Variants in CXCL17 observed in about 807,000 individuals in gnomAD.
The protein encoded by CXCL17 is C-X-C motif chemokine 17.
CXCL17 carries 9 observed loss-of-function variants against 15.5 expected under a neutral mutation model. The observed-to-expected ratio is 0.58, with a 90% CI of 0.35 to 1.01. CXCL17 has a LOEUF of 1.01. Ranked by LOEUF, CXCL17 falls within the 50% of genes least tolerant of loss-of-function variation. The pLI is 0.02. For synonymous variants in CXCL17, 52 were observed against 52.3 expected (o/e 0.99, Z 0.02); for missense variants, 133 against 138.2 (o/e 0.96, Z 0.19).
chr19:42,433,633 A>T, intron 2 of CXCL17, 143 bp downstream of exon 2: 1 of 686,846 alleles, frequency 1.5e-6, no homozygotes, highest in Non-Finnish European at 2.6e-6. Flanking sequence ...GAAAGTGGGC[A>T]CAGGTGCTGC....
intron 3 of CXCL17, among the ~76,000 whole-genome samples, chr19:42,432,391 T>G (rs1310813469): frequency 2.6e-5 from 4 of 152,094 alleles, no homozygotes; most frequent in Non-Finnish European, 5.9e-5. Context: ...GCAATCCGCC[T>G]GCCTCGGCCT....
rs1332212829 is a variant in CXCL17, at chr19:42,428,554, A to C, written c.*330T>G. 4.9e-6 allele frequency: 1 copy of C among 204,974 alleles called. No individual in the cohort carries two copies. The highest frequency in any genetic ancestry group is 9.9e-6 in the Non-Finnish European group (1 of 100,994). 12.7% of individuals were successfully genotyped at this position (204,974 alleles called of 1,614,324 possible). A position where few individuals can be genotyped will look rare whatever the true frequency, so the allele number is the denominator to read the frequency against. On this transcript the variant is annotated 3_prime_UTR_variant, in exon 4 of 4. Coordinates refer to ENST00000601181, the MANE Select transcript of CXCL17 (RefSeq NM_198477.3). ...ACAATTTTGATCTGTGACATTTAAA[A>C]ATATTTATTGACTTCTGTTTGCTAC...
chr19:42,430,824 T>A (rs1363550718), intron 3 of CXCL17, among the ~76,000 whole-genome samples: 1 of 152,136 alleles, frequency 6.6e-6, no homozygotes, highest in Non-Finnish European at 1.5e-5. Flanking sequence ...TGAATGTTTA[T>A]GTCTCTCCCC....
At chr19:42,438,354 CAAAAAAAAAAAAAAAAA>C (rs34157586) in intron 1 of CXCL17, among the ~76,000 whole-genome samples, 1 of 17,456 alleles carries the variant, frequency 5.7e-5, no homozygotes, top group Non-Finnish European at 8.0e-5. Context: ...GACTCTGTCT[CAAAAAAAAAAAAAAAAA>C]AAAAAAAAAA....
chr19:42,440,950 G>A (rs929249637), intron 1 of CXCL17, among the ~76,000 whole-genome samples: 10 of 152,200 alleles, frequency 6.6e-5, no homozygotes, highest in African/African-American at 2.2e-4. Context: ...GCATGTAGGG[G>A]AGAGAGGCCA....
At chr19:42,430,767 T>G (rs1264555060) in intron 3 of CXCL17, among the ~76,000 whole-genome samples, 1 of 151,934 alleles carries the variant, frequency 6.6e-6, no homozygotes, top group Admixed American at 6.5e-5. Flanking sequence ...CCTAAATAAT[T>G]TAGTTTATTT....
At chr19:42,440,543 C>A (rs1476966226) in intron 1 of CXCL17, among the ~76,000 whole-genome samples, 1 of 152,202 alleles carries the variant, frequency 6.6e-6, no homozygotes, top group Non-Finnish European at 1.5e-5. Flanking sequence ...TTCCCCAGTT[C>A]CTCACCCTCG....
At chr19:42,439,108 G>T (rs546989866) in intron 1 of CXCL17, among the ~76,000 whole-genome samples, 3 of 152,132 alleles carry the variant, frequency 2.0e-5, no homozygotes, top group East Asian at 3.9e-4. Context: ...ACAAAAATTA[G>T]CTGGGTGTGG....
chr19:42,436,287 C>T lies in CXCL17; in HGVS notation c.80-2431G>A, dbSNP rs2040833714. On this transcript the variant is annotated intron_variant, in intron 1 of 3. Coordinates refer to ENST00000601181, the MANE Select transcript of CXCL17 (RefSeq NM_198477.3). ...GGGGGTTGCGTCATTTCCCCAAGGGCTGCTTTTCCAATGTTCTCATGTGCT... is the reference window on the plus strand; with the variant it reads ...GGGGGTTGCGTCATTTCCCCAAGGGTTGCTTTTCCAATGTTCTCATGTGCT... Among the ~76,000 whole-genome samples, 3 of 152,208 alleles carry T rather than the reference C, an allele frequency of 2.0e-5. No individual in the cohort carries two copies. In the South Asian group the frequency reaches 6.2e-4, roughly 32 times the overall value.
At chr19:42,430,518 C>G (rs1418993115) in intron 3 of CXCL17, among the ~76,000 whole-genome samples, 1 of 149,780 alleles carries the variant, frequency 6.7e-6, no homozygotes, top group Non-Finnish European at 1.5e-5. Flanking sequence ...TGCTTCAACC[C>G]GGGAGGCGGA....
intron 3 of CXCL17, among the ~76,000 whole-genome samples, chr19:42,431,013 T>C (rs960905091): frequency 6.6e-6 from 1 of 152,174 alleles, no homozygotes; most frequent in African/African-American, 2.4e-5. Context: ...AATTTTTTTG[T>C]ATTTTAAGTA....
At chr19:42,438,372 AAAAAAAAAAATAT>A (rs1767995259) in intron 1 of CXCL17, among the ~76,000 whole-genome samples, 1 of 109,580 alleles carries the variant, frequency 9.1e-6, no homozygotes, top group Non-Finnish European at 1.7e-5. Flanking sequence ...AAAAAAAAAA[AAAAAAAAAAATAT>A]ATATATATAT....
intron 1 of CXCL17, among the ~76,000 whole-genome samples, chr19:42,436,483 GTT>G (rs539933175): frequency 0.076 from 11,014 of 145,150 alleles, 1,286 homozygotes; most frequent in African/African-American, 0.26. Flanking sequence ...TAATTCTGAA[GTT>G]TTTTTTTTTT....
At chr19:42,439,781 G>A (rs963355376) in intron 1 of CXCL17, among the ~76,000 whole-genome samples, 4 of 152,216 alleles carry the variant, frequency 2.6e-5, no homozygotes, top group Non-Finnish European at 5.9e-5. Context: ...CTCTTCAAAA[G>A]TGTCAAGGTC....
intron 3 of CXCL17, among the ~76,000 whole-genome samples, chr19:42,432,215 ACT>A (rs1215275164): frequency 7.1e-6 from 1 of 140,834 alleles, no homozygotes; most frequent in African/African-American, 2.8e-5. Flanking sequence ...CATGATCTCA[ACT>A]CTCTGCAACC....
chr19:42,435,580 C>A lies in CXCL17; in HGVS notation c.80-1724G>T, dbSNP rs141603240. On this transcript the variant is annotated intron_variant, in intron 1 of 3. Coordinates refer to ENST00000601181, the MANE Select transcript of CXCL17 (RefSeq NM_198477.3). ...GGGCGCGGTGGCTCATGCCTATAAT[C>A]TCAGCAATTTGGGAGGCCGAGGTGG... 1.0e-3 allele frequency among the ~76,000 whole-genome samples: 157 copies of A among 152,240 alleles called. 1 individual carries two copies. Among genetic ancestry groups the A allele is most frequent in the African/African-American group, 3.6e-3 (148 of 41,552 alleles).
chr19:42,439,496 A>G (rs1426597862), intron 1 of CXCL17, among the ~76,000 whole-genome samples: 1 of 152,096 alleles, frequency 6.6e-6, no homozygotes, highest in Non-Finnish European at 1.5e-5. Context: ...GAAACAGGCT[A>G]TTTACATATT....
intron 1 of CXCL17, among the ~76,000 whole-genome samples, chr19:42,436,525 A>G (rs1308113482): frequency 1.3e-5 from 2 of 151,918 alleles, no homozygotes; most frequent in African/African-American, 4.8e-5. Context: ...ACTGTTGGAG[A>G]AAATTTTGAA....
chr19:42,436,644 TTC>T (rs2040837163), intron 1 of CXCL17, among the ~76,000 whole-genome samples: 1 of 152,218 alleles, frequency 6.6e-6, no homozygotes. Context: ...TGTAAACACA[TTC>T]TCTTTTTCCA....
Sources: allele counts gnomAD v4.1 joint callset (sites outside exome capture counted in the v4.1 genomes callset), GRCh38; gene constraint gnomAD v4.1.1; transcripts MANE v1.5; gene names NCBI Gene and HGNC (gene_info 2026-07-23, HGNC 2026-07-21).